PRKN: variants seen among roughly 807,000 people sequenced by gnomAD.
PRKN encodes parkin RBR E3 ubiquitin protein ligase, also known as E3 ubiquitin-protein ligase parkin.
In PRKN, 56 loss-of-function variants were observed where a neutral mutation model predicts 59.5. The observed-to-expected ratio is 0.94, with a 90% CI of 0.76 to 1.18. The LOEUF (loss-of-function observed/expected upper bound fraction) is 1.18. Ranked by LOEUF, PRKN falls within the 50% of genes most tolerant of loss-of-function variation. The pLI is 0.00. For synonymous variants in PRKN, 250 were observed against 222.1 expected, an observed-to-expected ratio of 1.13 and a Z score of -1.12; for missense variants, 657 against 596.4, an observed-to-expected ratio of 1.10 and a Z score of -1.06.
intron 1 of PRKN, among the ~76,000 whole-genome samples, chr6:162,607,681 G>A (rs2128218257): frequency 6.6e-6 from 1 of 152,252 alleles, no homozygotes; most frequent in Admixed American, 6.5e-5. Context: ...GAAGTGATGG[G>A]ATACAAAGCA....
Position 161,977,599 on chromosome 6 carries a change from C to T in PRKN, c.619-4182G>A, listed in dbSNP as rs182145206. On this transcript the variant is annotated intron_variant, in intron 5 of 11. Coordinates refer to ENST00000366898, the MANE Select transcript of PRKN (RefSeq NM_004562.3). ...GTCTTTTCTGTCGCCCAGGCTGGAGCGCAGTGGCACGATCTTGGCTCATTG... is the reference window on the plus strand; with the variant it reads ...GTCTTTTCTGTCGCCCAGGCTGGAGTGCAGTGGCACGATCTTGGCTCATTG... 2.4e-3 allele frequency among the ~76,000 whole-genome samples: 334 copies of T among 139,166 alleles called. 2 individuals carry two copies. Among genetic ancestry groups the T allele is most frequent in the Non-Finnish European group, 2.5e-3 (166 of 66,430 alleles). The allele number at this position is 139,166 out of a possible 152,430, so 91.3% of individuals were successfully genotyped here.
At chr6:162,324,340 T>C (rs886170503) in intron 2 of PRKN, among the ~76,000 whole-genome samples, 13 of 152,094 alleles carry the variant, frequency 8.5e-5, no homozygotes, top group Admixed American at 3.9e-4. Context: ...TTTCTGTGTT[T>C]ACTGTCGTTA....
chr6:162,497,960 A>G (rs182621700), intron 1 of PRKN, among the ~76,000 whole-genome samples: 6 of 152,354 alleles, frequency 3.9e-5, no homozygotes, highest in African/African-American at 1.4e-4. Context: ...GGATATTCTA[A>G]ATGCCCTGAT....
rs144671982 is a variant in PRKN at position 161,793,035 on chromosome 6, A to G, written c.735-7127T>C. 9.3e-3 allele frequency among the ~76,000 whole-genome samples: 1,421 copies of G among 152,322 alleles called. 20 individuals are homozygous for G. Among genetic ancestry groups the G allele is most frequent in the African/African-American group, 0.032 (1,338 of 41,564 alleles). ...ACCGGCACAGCGCCTGCCCACAACA[A>G]TGCCAGAGAGAGCATTTCAGCCCAC... On this transcript the variant is annotated intron_variant, in intron 6 of 11. Transcript: ENST00000366898.
chr6:161,937,493 G>A (rs1779402261), intron 6 of PRKN, among the ~76,000 whole-genome samples: 1 of 152,160 alleles, frequency 6.6e-6, no homozygotes, highest in Admixed American at 6.5e-5. Context: ...TTTGCTTTAA[G>A]GTACAGACCA....
chr6:162,603,885 C>T (rs891483563), intron 1 of PRKN, among the ~76,000 whole-genome samples: 2 of 152,074 alleles, frequency 1.3e-5, no homozygotes, highest in Admixed American at 1.3e-4. Flanking sequence ...CTGCCAGACC[C>T]CACCAACAGA....
chr6:161,962,490 G>A (rs1227983788), intron 6 of PRKN, among the ~76,000 whole-genome samples: 1 of 149,952 alleles, frequency 6.7e-6, no homozygotes, highest in Non-Finnish European at 1.5e-5. Context: ...AAGCTTAACT[G>A]TTAACAAAGT....
intron 6 of PRKN, among the ~76,000 whole-genome samples, chr6:161,947,039 T>G (rs1779809379): frequency 6.6e-6 from 1 of 152,218 alleles, no homozygotes; most frequent in South Asian, 2.1e-4. Flanking sequence ...TAGACAGGCA[T>G]ACATATGTAT....
chr6:162,707,060 T>C (rs889145926), intron 1 of PRKN, among the ~76,000 whole-genome samples: 3 of 152,188 alleles, frequency 2.0e-5, no homozygotes, highest in Admixed American at 2.0e-4. Flanking sequence ...AGAGTGAATA[T>C]AGAAAAGTTA....
intron 7 of PRKN, among the ~76,000 whole-genome samples, chr6:161,693,901 C>T (rs1446077162): frequency 3.3e-5 from 5 of 152,112 alleles, no homozygotes; most frequent in African/African-American, 9.7e-5. Flanking sequence ...AAATATTTAC[C>T]GTATATCACA....
At chr6:161,633,382 A>G (rs200039753) in intron 7 of PRKN, among the ~76,000 whole-genome samples, 1 of 152,222 alleles carries the variant, frequency 6.6e-6, no homozygotes, top group Non-Finnish European at 1.5e-5. Context: ...ACTTCACTTC[A>G]TACTATATTC....
At chr6:162,032,759 C>T (rs573318294) in intron 5 of PRKN, among the ~76,000 whole-genome samples, 1 of 152,102 alleles carries the variant, frequency 6.6e-6, no homozygotes, top group Non-Finnish European at 1.5e-5. Context: ...ACAGAAAGCC[C>T]CATGAGACAA....
rs1784436840 is a variant in PRKN at position 161,349,431 on chromosome 6, T to C, written c.*668A>G. On this transcript the variant is annotated 3_prime_UTR_variant, in exon 12 of 12. Coordinates refer to ENST00000366898, the MANE Select transcript of PRKN (RefSeq NM_004562.3). This position sits in a 1 kb window ranked among gnomAD's most constrained non-coding sequence, Gnocchi z 5.5. ...TTAACTTTCATAATTTCTCACTTTG[T>C]GACAAGTTGATTTACGCATAGTTGG... 4.3e-6 allele frequency: 1 copy of C among 231,962 alleles called. No individual in the cohort carries two copies. The highest frequency in any genetic ancestry group is 1.8e-4 in the South Asian group (1 of 5,522). The allele number at this position is 231,962 out of a possible 1,614,324, so 14.4% of individuals were successfully genotyped here.
intron 1 of PRKN, among the ~76,000 whole-genome samples, chr6:162,444,214 T>TG (rs1158731711): frequency 6.6e-6 from 1 of 152,082 alleles, no homozygotes; most frequent in East Asian, 1.9e-4. Flanking sequence ...TTTCTCTCAC[T>TG]GCTTGAAGTC....
At chr6:162,224,982 T>C (rs1209330000) in intron 3 of PRKN, among the ~76,000 whole-genome samples, 2 of 152,158 alleles carry the variant, frequency 1.3e-5, no homozygotes, top group Non-Finnish European at 2.9e-5. Flanking sequence ...CTTGGTTCAT[T>C]TTCTGTGGTT....
chr6:161,542,551 T>G (rs2115412380), intron 9 of PRKN, among the ~76,000 whole-genome samples: 1 of 152,370 alleles, frequency 6.6e-6, no homozygotes, highest in African/African-American at 2.4e-5. Context: ...CTAGCGAGGC[T>G]TATTTCCAAT....
At chr6:161,474,973 C>T (rs541121020) in intron 9 of PRKN, among the ~76,000 whole-genome samples, 5 of 151,902 alleles carry the variant, frequency 3.3e-5, no homozygotes, top group Non-Finnish European at 5.9e-5. Flanking sequence ...GGCGCAATCT[C>T]GGCTCACTGC....
In PRKN at chr6:161,518,997, T is replaced by C. The variant is rs948778267; in HGVS notation, c.1083+29857A>G. ...GTCCAGATGCAAGTAAATGATAAAC[T>C]CCTCGAGACTTCAGACAGAGAGCAT... On this transcript the variant is annotated intron_variant, in intron 9 of 11. Coordinates refer to ENST00000366898, the MANE Select transcript of PRKN (RefSeq NM_004562.3). The surrounding 1 kb of genome is among the most constrained non-coding windows in gnomAD (Gnocchi z 5.0). Among the ~76,000 whole-genome samples the C allele has an allele frequency of 6.6e-6, 1 of 152,120 alleles. No homozygotes were observed. The highest frequency in any genetic ancestry group is 2.4e-5 in the African/African-American group (1 of 41,426).
chr6:162,534,529 T>C (rs755417652), intron 1 of PRKN, among the ~76,000 whole-genome samples: 1 of 152,210 alleles, frequency 6.6e-6, no homozygotes, highest in Non-Finnish European at 1.5e-5. Context: ...GAAGTTTATA[T>C]GGCTTTATTT....
Sources: gnomAD v4.1 joint callset for allele counts (sites outside exome capture counted in the v4.1 genomes callset) on GRCh38, gnomAD v4.1.1 for gene constraint, Gnocchi (gnomAD v3.1) non-coding constraint, MANE v1.5 for transcripts, NCBI Gene and HGNC (gene_info 2026-07-23, HGNC 2026-07-21) for gene names.